SLC39A11: variants seen among roughly 807,000 people sequenced by gnomAD.
SLC39A11 encodes solute carrier family 39 member 11.
Under a neutral mutation model 36.1 loss-of-function variants are expected in SLC39A11, and 33 were observed. The observed-to-expected ratio is 0.91, with a 90% CI of 0.69 to 1.22. The LOEUF (loss-of-function observed/expected upper bound fraction) is 1.22. SLC39A11 is among the 50% of genes most tolerant of loss of function. The pLI is 0.00. For missense variants in SLC39A11, 432 were observed against 430.3 expected, an observed-to-expected ratio of 1.00 and a Z score of -0.03; for synonymous variants, 166 against 170.3, an observed-to-expected ratio of 0.97 and a Z score of 0.20.
chr17:72,899,962 AAGAAAG>A (rs1172472679), intron 5 of SLC39A11, among the ~76,000 whole-genome samples: 4 of 144,154 alleles, frequency 2.8e-5, no homozygotes, highest in African/African-American at 7.6e-5. Flanking sequence ...ATTCTGAAAA[AAGAAAG>A]AGAGAGAGAG....
chr17:72,826,155 G>A (rs1313144794), intron 6 of SLC39A11, among the ~76,000 whole-genome samples: 1 of 152,228 alleles, frequency 6.6e-6, no homozygotes. Context: ...ACTGGATCAC[G>A]AGGGTGGACT....
intron 4 of SLC39A11, among the ~76,000 whole-genome samples, chr17:72,967,399 A>AGAGAGAGAGAGAGAGAGAGAGT (rs143987646): frequency 8.7e-4 from 120 of 138,232 alleles, no homozygotes; most frequent in African/African-American, 2.6e-3. Flanking sequence ...AGAGAGAGAG[A>AGAGAGAGAGAGAGAGAGAGAGT]GTGTGTGTGT....
chr17:72,908,481 G>A (rs568249976), intron 5 of SLC39A11, among the ~76,000 whole-genome samples: 2 of 152,186 alleles, frequency 1.3e-5, no homozygotes. Context: ...TGTGACTTGC[G>A]ACAGGACACT....
intron 3 of SLC39A11, among the ~76,000 whole-genome samples, chr17:73,042,998 G>C (rs948695312): frequency 2.0e-5 from 3 of 146,724 alleles, no homozygotes; most frequent in Non-Finnish European, 4.6e-5. Flanking sequence ...GAGCTAGTGT[G>C]GATCTGGGCG....
At chr17:72,909,114 G>C (rs2082825436) in intron 5 of SLC39A11, among the ~76,000 whole-genome samples, 1 of 152,186 alleles carries the variant, frequency 6.6e-6, no homozygotes, top group Admixed American at 6.5e-5. Flanking sequence ...TTGTTTTGTT[G>C]TTTTTTGGGA....
Position 73,019,934 on chromosome 17 carries a change from A to T in SLC39A11, c.306+11622T>A, listed in dbSNP as rs549621757. ...AAGAAGATATACCAAGGAAACACTAACAAAATGAAACTGGGGTAGAAGTAA... is the reference window on the plus strand; with the variant it reads ...AAGAAGATATACCAAGGAAACACTATCAAAATGAAACTGGGGTAGAAGTAA... On this transcript the variant is annotated intron_variant, in intron 4 of 9. Transcript: ENST00000255559. Among the ~76,000 whole-genome samples the T allele has an allele frequency of 3.3e-5, 5 of 152,360 alleles. 1 individual carries two copies. The South Asian group carries it at 1.0e-3, about 32-fold the overall frequency.
chr17:72,671,708 C>G (rs1286389977), intron 7 of SLC39A11, among the ~76,000 whole-genome samples: 1 of 143,350 alleles, frequency 7.0e-6, no homozygotes, highest in Non-Finnish European at 1.6e-5. Flanking sequence ...GCAGCAAGAG[C>G]AAAACTGTCT....
In SLC39A11 at chr17:72,820,913, G is replaced by A. The variant is rs770384177; in HGVS notation, c.601+28721C>T. ...TCCTGGGTTACTAGGGTGATGGCAGGTGAATACAGAATAGCAGGGCCTTGG... is the reference window on the plus strand; with the variant it reads ...TCCTGGGTTACTAGGGTGATGGCAGATGAATACAGAATAGCAGGGCCTTGG... On this transcript the variant is annotated intron_variant, in intron 6 of 9. Coordinates refer to ENST00000255559, the MANE Select transcript of SLC39A11 (RefSeq NM_139177.4). Among the ~76,000 whole-genome samples the A allele has an allele frequency of 5.3e-5, 8 of 151,204 alleles. 1 individual carries two copies. The highest frequency in any genetic ancestry group is 2.1e-4 in the South Asian group (1 of 4,778).
chr17:72,834,768 T>C (rs920523379), intron 6 of SLC39A11, among the ~76,000 whole-genome samples: 5 of 152,242 alleles, frequency 3.3e-5, no homozygotes, highest in African/African-American at 1.2e-4. Context: ...ATTCAAATTC[T>C]CTTGCTTTAG....
At chr17:73,018,074 C>A (rs556236836) in intron 4 of SLC39A11, among the ~76,000 whole-genome samples, 36 of 152,252 alleles carry the variant, frequency 2.4e-4, no homozygotes, top group Non-Finnish European at 4.7e-4. Flanking sequence ...CTATTCTAGG[C>A]CTCGAGTAAA....
intron 7 of SLC39A11, among the ~76,000 whole-genome samples, chr17:72,735,975 C>T (rs987909492): frequency 2.6e-5 from 4 of 152,136 alleles, no homozygotes; most frequent in African/African-American, 7.2e-5. Flanking sequence ...CTGGGTACAG[C>T]GGTGACAGGG....
chr17:72,714,160 A>G (rs2073237189), intron 7 of SLC39A11, among the ~76,000 whole-genome samples: 1 of 152,156 alleles, frequency 6.6e-6, no homozygotes, highest in African/African-American at 2.4e-5. Context: ...GTTCGAGACC[A>G]GCCTGGCCAA....
At chr17:72,832,891 G>A (rs181603214) in intron 6 of SLC39A11, among the ~76,000 whole-genome samples, 2 of 152,266 alleles carry the variant, frequency 1.3e-5, no homozygotes, top group African/African-American at 4.8e-5. Flanking sequence ...ATTTGCTGGG[G>A]CTTTGGGAAA....
At chr17:73,061,426 AT>A (rs1263285608) in intron 3 of SLC39A11, among the ~76,000 whole-genome samples, 1 of 152,210 alleles carries the variant, frequency 6.6e-6, no homozygotes, top group Non-Finnish European at 1.5e-5. Context: ...TTAACCCACC[AT>A]CAAAAGAACA....
intron 4 of SLC39A11, among the ~76,000 whole-genome samples, chr17:73,016,664 C>T (rs2058178657): frequency 2.6e-5 from 4 of 152,164 alleles, no homozygotes. Flanking sequence ...CAAAGAGCAC[C>T]TAATTGCATT....
intron 4 of SLC39A11, among the ~76,000 whole-genome samples, chr17:73,008,366 T>A (rs1018339536): frequency 1.3e-5 from 2 of 152,106 alleles, no homozygotes; most frequent in Non-Finnish European, 2.9e-5. Context: ...GCACTTACAA[T>A]GAAAGCTAGC....
At chr17:72,862,635 C>CT (rs2080097747) in intron 5 of SLC39A11, among the ~76,000 whole-genome samples, 1 of 152,144 alleles carries the variant, frequency 6.6e-6, no homozygotes, top group Admixed American at 6.5e-5. Flanking sequence ...GCTTTGTTTT[C>CT]TTTCCATTTC....
chr17:73,084,994 G>T, intron 2 of SLC39A11, 148 bp from the exon 3 acceptor site: 2 of 767,026 alleles, frequency 2.6e-6, no homozygotes, highest in East Asian at 2.7e-5. Context: ...TATACCATGG[G>T]CCAAGAACCA....
At chr17:72,729,568 G>T (rs2074132908) in intron 7 of SLC39A11, among the ~76,000 whole-genome samples, 1 of 144,272 alleles carries the variant, frequency 6.9e-6, no homozygotes, top group African/African-American at 2.5e-5. Context: ...AACATGCTGG[G>T]ATTACAGGCA....
Sources: allele counts gnomAD v4.1 joint callset (sites outside exome capture counted in the v4.1 genomes callset), GRCh38; gene constraint gnomAD v4.1.1; transcripts MANE v1.5; gene names NCBI Gene and HGNC (gene_info 2026-07-23, HGNC 2026-07-21).